The following SPTLC2 variants were observed in gnomAD, a reference collection of about 807,000 sequenced individuals.
SPTLC2 encodes the protein serine palmitoyltransferase long chain base subunit 2.
In SPTLC2, 21 loss-of-function variants were observed where a neutral mutation model predicts 62.0. That is an observed-to-expected ratio of 0.34 (90% CI 0.24 to 0.49). SPTLC2 has a LOEUF of 0.49. Among genes scored for constraint, SPTLC2 ranks in the 20% least tolerant of loss-of-function variants. The probability of loss-of-function intolerance (pLI) is 0.99; values close to 1 mark genes in which losing one functional copy is unlikely to be tolerated. For synonymous variants in SPTLC2, 261 were observed against 261.8 expected (o/e 1.00, Z 0.03); for missense variants, 511 against 713.0 (o/e 0.72, Z 3.23).
rs541358761 is a variant in SPTLC2 at position 77,526,305 on chromosome 14, T to C, written c.1304-4724A>G. On this transcript the variant is annotated intron_variant, in intron 9 of 11. Coordinates refer to ENST00000216484, the MANE Select transcript of SPTLC2 (RefSeq NM_004863.4). ...TCACTGCAGAGTTTCAGCAAGTATCTGGTCTAATACAGACTTGAAACAAAG... is the reference window on the plus strand; with the variant it reads ...TCACTGCAGAGTTTCAGCAAGTATCCGGTCTAATACAGACTTGAAACAAAG... 8.9e-5 allele frequency among the ~76,000 whole-genome samples: 13 copies of C among 145,606 alleles called. No homozygotes were observed. In the South Asian group the frequency reaches 2.7e-3, roughly 30 times the overall value.
intron 2 of SPTLC2, among the ~76,000 whole-genome samples, chr14:77,591,329 G>A (rs541004715): frequency 5.9e-5 from 9 of 152,318 alleles, no homozygotes; most frequent in Non-Finnish European, 1.3e-4. Flanking sequence ...GGTGGGGAGG[G>A]TGGATGAGGA....
At chr14:77,584,540 G>C (rs1414803645) in intron 2 of SPTLC2, among the ~76,000 whole-genome samples, 3 of 152,000 alleles carry the variant, frequency 2.0e-5, no homozygotes, top group Non-Finnish European at 4.4e-5. Flanking sequence ...TTTCAGAAAG[G>C]CTAAATGGCT....
intron 2 of SPTLC2, among the ~76,000 whole-genome samples, chr14:77,589,789 CCACACA>C (rs10627978): frequency 3.4e-5 from 5 of 146,316 alleles, no homozygotes; most frequent in Admixed American, 6.9e-5. Flanking sequence ...GAGTCCGTCT[CCACACA>C]CACACACACA....
At chr14:77,568,214 T>C (rs192292727) in intron 5 of SPTLC2, among the ~76,000 whole-genome samples, 52 of 152,354 alleles carry the variant, frequency 3.4e-4, no homozygotes, top group African/African-American at 1.2e-3. Flanking sequence ...CTTTGGCCCA[T>C]GGGTTATTTA....
At chr14:77,530,673 G>A (rs1039373878) in intron 9 of SPTLC2, among the ~76,000 whole-genome samples, 2 of 152,054 alleles carry the variant, frequency 1.3e-5, no homozygotes, top group Admixed American at 6.6e-5. Flanking sequence ...TTAGAAGCAA[G>A]GCATATTTAA....
chr14:77,529,127 T>C (rs746999992), intron 9 of SPTLC2, among the ~76,000 whole-genome samples: 5 of 152,158 alleles, frequency 3.3e-5, no homozygotes, highest in African/African-American at 4.8e-5. Context: ...CGTGAGTCAC[T>C]GTGCCCAGCC....
At chr14:77,568,869 A>G (rs547496798) in intron 5 of SPTLC2, among the ~76,000 whole-genome samples, 3 of 151,252 alleles carry the variant, frequency 2.0e-5, no homozygotes, top group South Asian at 4.2e-4. Context: ...CTATTTGTCT[A>G]CTTCTTTTAG....
chr14:77,586,012 G>A (rs1409379762), intron 2 of SPTLC2, among the ~76,000 whole-genome samples: 1 of 151,872 alleles, frequency 6.6e-6, no homozygotes, highest in Non-Finnish European at 1.5e-5. Context: ...GTGGAAAAGT[G>A]TGTTGGTTTC....
intron 8 of SPTLC2, among the ~76,000 whole-genome samples, chr14:77,555,097 C>A (rs1378141359): frequency 6.6e-6 from 1 of 152,116 alleles, no homozygotes; most frequent in Non-Finnish European, 1.5e-5. Flanking sequence ...GAAAGAAGCT[C>A]AAATAAGAAA....
In SPTLC2 at chr14:77,565,503, T is replaced by A. The variant is rs143587959; in HGVS notation, c.757-3014A>T. ...TATCAAAACCACATAGTCTCTCGCA[T>A]GATTCACTGAGAATGGTATCACTTC... On this transcript the variant is annotated intron_variant, in intron 5 of 11. Coordinates refer to ENST00000216484, the MANE Select transcript of SPTLC2 (RefSeq NM_004863.4). Among the ~76,000 whole-genome samples, 167 of 152,330 alleles carry A rather than the reference T, an allele frequency of 1.1e-3. 3 individuals carry two copies. The highest frequency in any genetic ancestry group is 3.7e-3 in the African/African-American group (155 of 41,580).
At chr14:77,531,772 A>T (rs145095485) in intron 9 of SPTLC2, among the ~76,000 whole-genome samples, 3,287 of 152,064 alleles carry the variant, frequency 0.022, 100 homozygotes, top group African/African-American at 0.076. Context: ...TTGGCCTCCC[A>T]AAGTGCTGGG....
intron 1 of SPTLC2, among the ~76,000 whole-genome samples, chr14:77,599,909 T>C (rs1021321740): frequency 6.6e-6 from 1 of 152,094 alleles, no homozygotes; most frequent in African/African-American, 2.4e-5. Context: ...TATCTGAAAA[T>C]ATTTTGCCTT....
chr14:77,571,531 C>A (rs958381709), intron 4 of SPTLC2, among the ~76,000 whole-genome samples: 3 of 145,968 alleles, frequency 2.1e-5, no homozygotes, highest in Non-Finnish European at 4.5e-5. Flanking sequence ...AAAAAAGGTT[C>A]TTCCCTCACT....
intron 1 of SPTLC2, among the ~76,000 whole-genome samples, chr14:77,615,462 C>CA (rs1411230886): frequency 1.3e-5 from 2 of 152,344 alleles, no homozygotes; most frequent in Middle Eastern, 6.8e-3. Flanking sequence ...TAAAGGGAAA[C>CA]AGAGTACTTT....
At chr14:77,601,900 C>A (rs1018928908) in intron 1 of SPTLC2, among the ~76,000 whole-genome samples, 1 of 152,228 alleles carries the variant, frequency 6.6e-6, no homozygotes, top group African/African-American at 2.4e-5. Context: ...GTGCCGGTCA[C>A]GGACTCGGGA....
At chr14:77,585,826 A>T (rs1163054717) in intron 2 of SPTLC2, among the ~76,000 whole-genome samples, 2 of 152,238 alleles carry the variant, frequency 1.3e-5, no homozygotes, top group East Asian at 3.8e-4. Flanking sequence ...TGCCATACTT[A>T]TTTTAAAAAC....
chr14:77,511,865 G>A lies in SPTLC2; in HGVS notation c.*419C>T, dbSNP rs897879528. ...GTAAGTGGAAGGCACTTGCTCCCTAGGGAGGAGGGCCAGGTAAGTATCCAG... is the reference window on the plus strand; with the variant it reads ...GTAAGTGGAAGGCACTTGCTCCCTAAGGAGGAGGGCCAGGTAAGTATCCAG... On this transcript the variant is annotated 3_prime_UTR_variant, in exon 12 of 12. Transcript: ENST00000216484. 16 of 253,490 alleles carry A rather than the reference G, an allele frequency of 6.3e-5. No individual in the cohort carries two copies. The highest frequency in any genetic ancestry group is 1.0e-4 in the Non-Finnish European group (13 of 128,600). The allele number at this position is 253,490 out of a possible 1,614,324, so 15.7% of individuals were successfully genotyped here.
rs920348345 is a variant in SPTLC2, at chr14:77,578,799, A to C, written c.482+156T>G. ...TGTAATAGAAAGATATATCTTAAAA[A>C]GCTCAACAATGAAGAATATGTAAGG... On this transcript the variant is annotated intron_variant, in intron 3 of 11. Transcript: ENST00000216484. The C allele has an allele frequency of 5.5e-6, 4 of 725,138 alleles. No homozygotes were observed. In the African/African-American group the frequency reaches 7.2e-5, roughly 13 times the overall value. The allele number at this position is 725,138 out of a possible 1,614,324, so 44.9% of individuals were successfully genotyped here. A position where few individuals can be genotyped will look rare whatever the true frequency, so the allele number is the denominator to read the frequency against.
intron 9 of SPTLC2, among the ~76,000 whole-genome samples, chr14:77,543,402 C>A (rs1387302523): frequency 1.3e-5 from 2 of 152,146 alleles, no homozygotes; most frequent in Non-Finnish European, 2.9e-5. Context: ...AACGTAAACA[C>A]TGTAGTAATG....
Sources: gnomAD v4.1 joint callset for allele counts (sites outside exome capture counted in the v4.1 genomes callset) on GRCh38, gnomAD v4.1.1 for gene constraint, MANE v1.5 for transcripts, NCBI Gene and HGNC (gene_info 2026-07-23, HGNC 2026-07-21) for gene names.